Variants in KLHL29 observed in about 807,000 individuals in gnomAD.
KLHL29 encodes kelch like family member 29, also known as kelch-like protein 29.
KLHL29 carries 21 observed loss-of-function variants against 80.4 expected under a neutral mutation model. The observed-to-expected ratio is 0.26, with a 90% CI of 0.19 to 0.38. The LOEUF (loss-of-function observed/expected upper bound fraction) is 0.38. Ranked by LOEUF, KLHL29 falls within the 10% of genes least tolerant of loss-of-function variation. The probability of loss-of-function intolerance (pLI) is 1.00; values close to 1 mark genes in which losing one functional copy is unlikely to be tolerated. For synonymous variants in KLHL29, 511 were observed against 526.8 expected (o/e 0.97, Z 0.41); for missense variants, 867 against 1,223.9 (o/e 0.71, Z 4.35).
chr2:23,405,809 G>C (rs1666712365), intron 1 of KLHL29, among the ~76,000 whole-genome samples: 1 of 152,194 alleles, frequency 6.6e-6, no homozygotes, highest in Non-Finnish European at 1.5e-5. Context: ...ACATGGTTTT[G>C]GAGGTCAAGC....
intron 3 of KLHL29, among the ~76,000 whole-genome samples, chr2:23,605,510 C>T (rs962158205): frequency 2.0e-5 from 3 of 152,170 alleles, no homozygotes; most frequent in African/African-American, 7.2e-5. Flanking sequence ...GCCCCAGGAA[C>T]TGCGCATGGT....
intron 3 of KLHL29, among the ~76,000 whole-genome samples, chr2:23,625,231 C>T (rs1282620074): frequency 6.6e-6 from 1 of 152,248 alleles, no homozygotes; most frequent in Non-Finnish European, 1.5e-5. Flanking sequence ...AGCCTCACAG[C>T]AGGACACGGG....
At chr2:23,497,841 G>A (rs944560852) in intron 2 of KLHL29, among the ~76,000 whole-genome samples, 1 of 152,170 alleles carries the variant, frequency 6.6e-6, no homozygotes, top group African/African-American at 2.4e-5. Flanking sequence ...GAAACCAACC[G>A]TATGGATGCC....
intron 3 of KLHL29, among the ~76,000 whole-genome samples, chr2:23,620,615 G>A (rs1156877102): frequency 6.6e-6 from 1 of 152,174 alleles, no homozygotes; most frequent in Non-Finnish European, 1.5e-5. Context: ...AGAGAGCAGA[G>A]GCCAGTCCGG....
rs1665274572 is a variant in KLHL29, at chr2:23,496,669, G to T, written c.-46+21002G>T. 3.9e-5 allele frequency among the ~76,000 whole-genome samples: 6 copies of T among 152,220 alleles called. No homozygotes were observed. The South Asian group carries it at 1.0e-3, about 26-fold the overall frequency. ...CAGATTTGCAAGAGGGGCCAGAGCT[G>T]CCCTAGGGGGCCCAGGGACCACCGC... is the stretch of plus-strand genomic sequence containing the variant. On this transcript the variant is annotated intron_variant, in intron 2 of 13. Coordinates refer to ENST00000486442, the MANE Select transcript of KLHL29 (RefSeq NM_052920.2).
intron 3 of KLHL29, among the ~76,000 whole-genome samples, chr2:23,598,879 G>A (rs1224328709): frequency 2.0e-5 from 3 of 152,220 alleles, no homozygotes; most frequent in Non-Finnish European, 4.4e-5. Context: ...CAAGTCATAG[G>A]GGTGGCCCTC....
intron 3 of KLHL29, among the ~76,000 whole-genome samples, chr2:23,582,963 A>G (rs980281034): frequency 1.6e-4 from 24 of 152,324 alleles, no homozygotes; most frequent in African/African-American, 5.3e-4. Flanking sequence ...AAATCCAATG[A>G]CGAGTGTTTT....
chr2:23,696,472 C>T lies in KLHL29; in HGVS notation c.2064C>T (p.Leu688=), dbSNP rs1418740054. The change falls in exon 11 of 14, where the codon CTC becomes CTT. Residue 688 remains leucine (L), a synonymous_variant. Transcript: ENST00000486442. This position sits in a 1 kb window ranked among gnomAD's most constrained non-coding sequence, Gnocchi z 5.5. ...TCTACGATGGGAAGATTTACACCCT[C>T]GGGGGACTTGGCGTGGCAGGCAACG... The part of the protein sequence containing the change: ...SLVYDGKIYT[L]GGLGVAGNVD... 27 of 1,546,674 alleles carry T rather than the reference C, an allele frequency of 1.7e-5. No individual in the cohort carries two copies. Among genetic ancestry groups the T allele is most frequent in the African/African-American group, 9.6e-5 (7 of 72,970 alleles).
At chr2:23,622,816 C>A (rs1669217294) in intron 3 of KLHL29, among the ~76,000 whole-genome samples, 1 of 152,212 alleles carries the variant, frequency 6.6e-6, no homozygotes. Context: ...AAGTCCTTTG[C>A]ACATATTAGT....
intron 1 of KLHL29, among the ~76,000 whole-genome samples, chr2:23,419,227 G>A (rs984935000): frequency 6.6e-6 from 1 of 152,238 alleles, no homozygotes; most frequent in Non-Finnish European, 1.5e-5. Context: ...TTTGAACTCT[G>A]CAGACACTGG....
chr2:23,685,457 C>G (rs1671215519), intron 6 of KLHL29: 1 of 152,304 alleles, frequency 6.6e-6, no homozygotes, highest in South Asian at 2.1e-4. Context: ...CGGGACTGTG[C>G]TCAGAGGGAG....
At chr2:23,572,772 C>G (rs1667746748) in intron 3 of KLHL29, among the ~76,000 whole-genome samples, 1 of 151,510 alleles carries the variant, frequency 6.6e-6, no homozygotes. Context: ...ACGATCTCAG[C>G]TCACTGCAAG....
At chr2:23,693,235 C>T in intron 7 of KLHL29, 34 bp from the exon 8 acceptor site, 1 of 1,523,346 alleles carries the variant, frequency 6.6e-7, no homozygotes, top group Non-Finnish European at 8.9e-7. Context: ...CTTCCCGGGC[C>T]TTTGGGTCAG....
intron 1 of KLHL29, among the ~76,000 whole-genome samples, chr2:23,439,129 T>G (rs1663433851): frequency 6.6e-6 from 1 of 150,640 alleles, no homozygotes; most frequent in South Asian, 2.1e-4. Context: ...TGATGGTAGT[T>G]TGTATTTCTG....
chr2:23,622,141 C>A (rs1316447377), intron 3 of KLHL29, among the ~76,000 whole-genome samples: 1 of 152,156 alleles, frequency 6.6e-6, no homozygotes, highest in Non-Finnish European at 1.5e-5. Flanking sequence ...GAAACTGAGG[C>A]TCAGAGACAT....
At chr2:23,613,269 T>C (rs1668914383) in intron 3 of KLHL29, among the ~76,000 whole-genome samples, 1 of 152,056 alleles carries the variant, frequency 6.6e-6, no homozygotes, top group Admixed American at 6.6e-5. Flanking sequence ...AAGACAAAGC[T>C]TTTCAGACTG....
intron 3 of KLHL29, among the ~76,000 whole-genome samples, chr2:23,599,130 A>T (rs1668503922): frequency 6.6e-6 from 1 of 152,228 alleles, no homozygotes; most frequent in Non-Finnish European, 1.5e-5. Flanking sequence ...ACCTCAGAGG[A>T]TGATGAAGAT....
intron 1 of KLHL29, among the ~76,000 whole-genome samples, chr2:23,389,696 A>G (rs1666269852): frequency 6.6e-6 from 1 of 151,596 alleles, no homozygotes; most frequent in African/African-American, 2.4e-5. Context: ...TCAGAAAAAA[A>G]AAAGGGGGGG....
chr2:23,541,772 C>CAAAAAAA (rs545375731), intron 2 of KLHL29, among the ~76,000 whole-genome samples: 7 of 137,606 alleles, frequency 5.1e-5, no homozygotes, highest in African/African-American at 2.0e-4. Context: ...ACCCAAAAAA[C>CAAAAAAA]AAAAAAAAAA....
Sources: gnomAD v4.1 joint callset for allele counts (sites outside exome capture counted in the v4.1 genomes callset) on GRCh38, gnomAD v4.1.1 for gene constraint, Gnocchi (gnomAD v3.1) non-coding constraint, MANE v1.5 for transcripts, NCBI Gene and HGNC (gene_info 2026-07-23, HGNC 2026-07-21) for gene names.